Variants in CTNND2 observed in about 807,000 individuals in gnomAD.
CTNND2 encodes the protein catenin delta-2.
CTNND2 carries 22 observed loss-of-function variants against 144.4 expected under a neutral mutation model. The observed-to-expected ratio is 0.15, with a 90% CI of 0.11 to 0.22. The LOEUF (loss-of-function observed/expected upper bound fraction) is 0.22. Among genes scored for constraint, CTNND2 ranks in the 10% least tolerant of loss-of-function variants. The pLI is 1.00. For synonymous variants in CTNND2, 751 were observed against 695.6 expected, an observed-to-expected ratio of 1.08 and a Z score of -1.25; for missense variants, 1,353 against 1,618.8, an observed-to-expected ratio of 0.84 and a Z score of 2.82.
intron 9 of CTNND2, among the ~76,000 whole-genome samples, chr5:11,316,469 TTA>T (rs533936709): frequency 0.12 from 825 of 6,930 alleles, 6 homozygotes; most frequent in Non-Finnish European, 0.17. Context: ...CCACTATTTT[TTA>T]TTATTATTAT....
chr5:11,045,745 C>T (rs1745178247), intron 16 of CTNND2, among the ~76,000 whole-genome samples: 1 of 152,208 alleles, frequency 6.6e-6, no homozygotes, highest in Admixed American at 6.5e-5. Context: ...TCTGCAAATA[C>T]TCTTTTTCCA....
intron 18 of CTNND2, among the ~76,000 whole-genome samples, chr5:10,994,354 G>A: frequency 2.4e-5 from 1 of 41,998 alleles, no homozygotes; most frequent in Non-Finnish European, 4.9e-5. Context: ...GAAGGAGGAG[G>A]GGGGCGGGGA....
At chr5:11,077,489 T>C (rs1432809108) in intron 16 of CTNND2, among the ~76,000 whole-genome samples, 1 of 152,132 alleles carries the variant, frequency 6.6e-6, no homozygotes, top group Non-Finnish European at 1.5e-5. Flanking sequence ...GCATGTAATA[T>C]AGGAATCACA....
At chr5:11,722,401 T>C (rs1401509151) in intron 2 of CTNND2, among the ~76,000 whole-genome samples, 4 of 152,174 alleles carry the variant, frequency 2.6e-5, no homozygotes, top group African/African-American at 7.2e-5. Context: ...CTTGGAACCA[T>C]CTACACAAAT....
chr5:11,465,374 G>A (rs974912377), intron 3 of CTNND2, among the ~76,000 whole-genome samples: 2 of 150,040 alleles, frequency 1.3e-5, no homozygotes, highest in South Asian at 4.2e-4. Flanking sequence ...TTAATGGGTT[G>A]CTCAGAATTA....
chr5:11,101,884 C>CGTGTGTGTGT (rs1561304077), intron 14 of CTNND2, among the ~76,000 whole-genome samples: 1 of 88,498 alleles, frequency 1.1e-5, no homozygotes, highest in African/African-American at 5.0e-5. Context: ...ATGACGACCA[C>CGTGTGTGTGT]ATATGTGTGT....
At chr5:11,595,864 G>A (rs888830740) in intron 2 of CTNND2, among the ~76,000 whole-genome samples, 2 of 152,006 alleles carry the variant, frequency 1.3e-5, no homozygotes, top group Non-Finnish European at 2.9e-5. Context: ...TTAATTAGAG[G>A]TAAAGAAACA....
At chr5:11,565,330 G>C (rs1776991462) in intron 2 of CTNND2, among the ~76,000 whole-genome samples, 1 of 152,210 alleles carries the variant, frequency 6.6e-6, no homozygotes, top group South Asian at 2.1e-4. Context: ...GATTAAAGGA[G>C]ATACTGTCAT....
chr5:11,874,845 C>T (rs1735435932), intron 1 of CTNND2, among the ~76,000 whole-genome samples: 1 of 152,092 alleles, frequency 6.6e-6, no homozygotes, highest in Admixed American at 6.5e-5. Context: ...AATCCCTTAC[C>T]CAGATAGCCT....
intron 3 of CTNND2, among the ~76,000 whole-genome samples, chr5:11,423,055 A>G (rs532586164): frequency 3.9e-5 from 6 of 152,368 alleles, no homozygotes; most frequent in African/African-American, 1.2e-4. Context: ...AAAATAATGT[A>G]TCATAGTATC....
intron 3 of CTNND2, among the ~76,000 whole-genome samples, chr5:11,421,828 G>A (rs542468345): frequency 6.6e-6 from 1 of 152,124 alleles, no homozygotes; most frequent in Non-Finnish European, 1.5e-5. Context: ...ACACAGAACT[G>A]GGGGGCTGCT....
At chr5:11,390,565 C>T (rs942840705) in intron 6 of CTNND2, among the ~76,000 whole-genome samples, 2 of 152,234 alleles carry the variant, frequency 1.3e-5, no homozygotes, top group East Asian at 3.8e-4. Flanking sequence ...AGCAAAAGCA[C>T]ATTTTATAAA....
chr5:11,749,518 A>G (rs1243440854), intron 1 of CTNND2, among the ~76,000 whole-genome samples: 3 of 152,150 alleles, frequency 2.0e-5, no homozygotes, highest in South Asian at 4.1e-4. Flanking sequence ...GACTTATCAC[A>G]GACTCCTCAG....
intron 10 of CTNND2, among the ~76,000 whole-genome samples, chr5:11,211,492 C>T (rs1344372310): frequency 6.6e-6 from 1 of 152,202 alleles, no homozygotes; most frequent in African/African-American, 2.4e-5. Flanking sequence ...AATTCTAGGT[C>T]TGTTTTACAG....
chr5:11,321,802 G>C (rs966262090), intron 9 of CTNND2, among the ~76,000 whole-genome samples: 3 of 152,050 alleles, frequency 2.0e-5, no homozygotes, highest in Admixed American at 6.5e-5. Context: ...TTCTTTCCTA[G>C]AGATTTTCAG....
chr5:11,404,602 C>CTTTTTTTTTTTT lies in CTNND2; in HGVS notation c.439+6922_439+6933dup, dbSNP rs555388304. On this transcript the variant is annotated intron_variant, in intron 5 of 21. Coordinates refer to ENST00000304623, the MANE Select transcript of CTNND2 (RefSeq NM_001332.4). Reference sequence around the variant, plus strand: ...ATCAGTATCTGTCAGTATCTGTATTCTTTTTTTTTTTTTTTTTTTTTTTTT... The same window carrying CTTTTTTTTTTTT: ...ATCAGTATCTGTCAGTATCTGTATTCTTTTTTTTTTTTTTTTTTTTTTTTTTTTTTTTTTTTT... 8.7e-4 allele frequency among the ~76,000 whole-genome samples: 50 copies of CTTTTTTTTTTTT among 57,384 alleles called. 13 individuals carry two copies. The highest frequency in any genetic ancestry group is 1.3e-3 in the Non-Finnish European group (32 of 25,180). 37.6% of individuals were successfully genotyped at this position (57,384 alleles called of 152,430 possible).
intron 3 of CTNND2, among the ~76,000 whole-genome samples, chr5:11,533,135 G>A (rs1773903769): frequency 1.3e-5 from 2 of 152,214 alleles, no homozygotes. Context: ...GGAGTCAAGA[G>A]GAGCTCACAT....
intron 18 of CTNND2, among the ~76,000 whole-genome samples, chr5:11,016,965 CTG>C (rs144483696): frequency 0.22 from 33,378 of 151,304 alleles, 3,906 homozygotes; most frequent in South Asian, 0.31. Flanking sequence ...TTAGTAGAGA[CTG>C]GGTTTCACCA....
intron 2 of CTNND2, among the ~76,000 whole-genome samples, chr5:11,661,503 T>C (rs1011428032): frequency 2.6e-5 from 4 of 152,292 alleles, no homozygotes; most frequent in African/African-American, 9.6e-5. Context: ...ATCTAAGATG[T>C]CTTCCAAATA....
Sources: gnomAD v4.1 joint callset for allele counts (sites outside exome capture counted in the v4.1 genomes callset) on GRCh38, gnomAD v4.1.1 for gene constraint, MANE v1.5 for transcripts, NCBI Gene and HGNC (gene_info 2026-07-23, HGNC 2026-07-21) for gene names.